KCNH8: variants seen among roughly 807,000 people sequenced by gnomAD.
KCNH8 encodes the protein voltage-gated delayed rectifier potassium channel KCNH8.
Under a neutral mutation model 103.6 loss-of-function variants are expected in KCNH8, and 70 were observed. That is an observed-to-expected ratio of 0.68 (90% CI 0.56 to 0.82). The LOEUF is 0.82. Ranked by LOEUF, KCNH8 falls within the 40% of genes least tolerant of loss-of-function variation. The probability of loss-of-function intolerance (pLI) is 0.00; values close to 1 mark genes in which losing one functional copy is unlikely to be tolerated. For missense variants in KCNH8, 1,217 were observed against 1,329.9 expected, an observed-to-expected ratio of 0.92 and a Z score of 1.32; for synonymous variants, 498 against 489.4, an observed-to-expected ratio of 1.02 and a Z score of -0.23.
chr3:19,410,878 C>CA (rs4021206), intron 7 of KCNH8, among the ~76,000 whole-genome samples: 3,369 of 63,204 alleles, frequency 0.053, 129 homozygotes, highest in African/African-American at 0.12. Flanking sequence ...GCCTACCAAG[C>CA]AAAAAAAAAA....
chr3:19,505,913 A>G (rs1291922279), intron 11 of KCNH8, among the ~76,000 whole-genome samples: 2 of 152,084 alleles, frequency 1.3e-5, no homozygotes, highest in Non-Finnish European at 2.9e-5. Flanking sequence ...TCAGTGAGCC[A>G]GTTTTCGAAC....
chr3:19,486,698 C>A (rs1409227494), intron 11 of KCNH8, among the ~76,000 whole-genome samples: 2 of 152,186 alleles, frequency 1.3e-5, no homozygotes, highest in Non-Finnish European at 1.5e-5. Context: ...CTTGTAGAGG[C>A]TCCCATTTAA....
At chr3:19,491,697 A>G (rs2068325635) in intron 11 of KCNH8, among the ~76,000 whole-genome samples, 1 of 152,172 alleles carries the variant, frequency 6.6e-6, no homozygotes, top group Non-Finnish European at 1.5e-5. Context: ...TCCTTTGGGT[A>G]TGCGCCCAGT....
intron 11 of KCNH8, among the ~76,000 whole-genome samples, chr3:19,463,753 T>C (rs1449656245): frequency 6.6e-6 from 1 of 152,026 alleles, no homozygotes; most frequent in East Asian, 1.9e-4. Context: ...ATCCAAAAAT[T>C]TTACATACAG....
At chr3:19,441,087 T>C (rs2067277380) in intron 8 of KCNH8, among the ~76,000 whole-genome samples, 1 of 152,124 alleles carries the variant, frequency 6.6e-6, no homozygotes, top group East Asian at 1.9e-4. Flanking sequence ...GTTCCCTCAG[T>C]GGAGGCGGGC....
chr3:19,153,789 G>A (rs986764647), intron 1 of KCNH8, among the ~76,000 whole-genome samples: 1 of 151,570 alleles, frequency 6.6e-6, no homozygotes, highest in African/African-American at 2.4e-5. Flanking sequence ...CTGCCACTAC[G>A]CCTGGCTAAT....
At chr3:19,208,379 G>A (rs1271681028) in intron 1 of KCNH8, among the ~76,000 whole-genome samples, 2 of 151,830 alleles carry the variant, frequency 1.3e-5, no homozygotes, top group Non-Finnish European at 2.9e-5. Flanking sequence ...TATGTAATCT[G>A]TTCAGAAGTT....
intron 11 of KCNH8, 36 bp from the exon 12 acceptor site, chr3:19,510,327 A>G (rs1393932056): frequency 7.6e-7 from 1 of 1,317,766 alleles, no homozygotes; most frequent in Admixed American, 1.7e-5. Context: ...CCACCAGGAT[A>G]TGTAAAATGA....
Position 19,153,635 on chromosome 3 carries a change from C to CTTTTTTCT in KCNH8, c.76+4846_76+4847insCTTTTTTT, listed in dbSNP as rs2063151810. Among the ~76,000 whole-genome samples, 116 of 128,914 alleles carry CTTTTTTCT rather than the reference C, an allele frequency of 9.0e-4. 1 individual carries two copies. The highest frequency in any genetic ancestry group is 2.8e-3 in the African/African-American group (97 of 35,122). The allele number at this position is 128,914 out of a possible 152,430, so 84.6% of individuals were successfully genotyped here. On this transcript the variant is annotated intron_variant, in intron 1 of 15. Coordinates refer to ENST00000328405, the MANE Select transcript of KCNH8 (RefSeq NM_144633.3). Reference sequence around the variant, plus strand: ...TTTTCTTTTCTTTTCTTTCTTTTTTCTTTTTTTTTTTTTTTTTAGACGAGT... The same window carrying CTTTTTTCT: ...TTTTCTTTTCTTTTCTTTCTTTTTTCTTTTTTCTTTTTTTTTTTTTTTTTTAGACGAGT...
chr3:19,466,392 A>C (rs962655391), intron 11 of KCNH8, among the ~76,000 whole-genome samples: 1 of 152,236 alleles, frequency 6.6e-6, no homozygotes, highest in African/African-American at 2.4e-5. Flanking sequence ...CAATTTCAAA[A>C]GAAGTTCTAC....
At chr3:19,512,865 T>A in intron 12 of KCNH8, 105 bp from the exon 13 acceptor site, 1 of 984,866 alleles carries the variant, frequency 1.0e-6, no homozygotes, top group Non-Finnish European at 1.5e-6. Flanking sequence ...GAAAAGTAAG[T>A]CTCTAAGAGA....
At chr3:19,287,834 T>C (rs1487766170) in intron 3 of KCNH8, among the ~76,000 whole-genome samples, 2 of 151,334 alleles carry the variant, frequency 1.3e-5, no homozygotes, top group African/African-American at 4.9e-5. Flanking sequence ...TCCACCTGCC[T>C]CGGCCTCCTG....
At chr3:19,331,892 G>C (rs12637344) in intron 3 of KCNH8, among the ~76,000 whole-genome samples, 68,347 of 151,926 alleles carry the variant, frequency 0.45, 17,177 homozygotes, top group African/African-American at 0.69. Flanking sequence ...CATGATGAAA[G>C]TAACTGTAAG....
intron 1 of KCNH8, among the ~76,000 whole-genome samples, chr3:19,164,037 T>C (rs1280983175): frequency 1.3e-5 from 2 of 152,204 alleles, no homozygotes; most frequent in Non-Finnish European, 2.9e-5. Context: ...ATGCAGATTT[T>C]CTACTGGAGG....
At chr3:19,470,071 T>G (rs567637891) in intron 11 of KCNH8, among the ~76,000 whole-genome samples, 1 of 152,272 alleles carries the variant, frequency 6.6e-6, no homozygotes, top group East Asian at 1.9e-4. Flanking sequence ...TTTAATTTTT[T>G]TTTAATTCTT....
At chr3:19,464,840 T>C (rs191003568) in intron 11 of KCNH8, among the ~76,000 whole-genome samples, 217 of 152,278 alleles carry the variant, frequency 1.4e-3, no homozygotes, top group Non-Finnish European at 2.3e-3. Context: ...CTCAGTCTTT[T>C]ATCTAAGTTA....
chr3:19,228,089 A>AAC (rs1391894980), intron 1 of KCNH8, among the ~76,000 whole-genome samples: 1 of 152,192 alleles, frequency 6.6e-6, no homozygotes, highest in Non-Finnish European at 1.5e-5. Flanking sequence ...TTGGAATCCA[A>AAC]ACAGTATGAC....
intron 11 of KCNH8, among the ~76,000 whole-genome samples, chr3:19,502,529 A>G (rs1313886665): frequency 1.3e-5 from 2 of 152,222 alleles, no homozygotes; most frequent in Non-Finnish European, 1.5e-5. Context: ...ACTATACTAC[A>G]AGGCTACAGT....
Position 19,346,750 on chromosome 3 carries a change from G to A in KCNH8, c.571-975G>A, listed in dbSNP as rs77134834. ...TGACCTACAAGTAATATGTATTCGGGAATTTATAACTGCTCTGTTAATTCA... is the reference window on the plus strand; with the variant it reads ...TGACCTACAAGTAATATGTATTCGGAAATTTATAACTGCTCTGTTAATTCA... On this transcript the variant is annotated intron_variant, in intron 4 of 15. Transcript: ENST00000328405. 5.7e-3 allele frequency: 2,598 copies of A among 453,262 alleles called. 48 individuals carry two copies. The highest frequency in any genetic ancestry group is 0.044 in the African/African-American group (2,208 of 50,016). The allele number at this position is 453,262 out of a possible 1,614,324, so 28.1% of individuals were successfully genotyped here.
Sources: allele counts gnomAD v4.1 joint callset (sites outside exome capture counted in the v4.1 genomes callset), GRCh38; gene constraint gnomAD v4.1.1; transcripts MANE v1.5; gene names NCBI Gene and HGNC (gene_info 2026-07-23, HGNC 2026-07-21).